SERINC5: variants seen among roughly 807,000 people sequenced by gnomAD.
The protein encoded by SERINC5 is serine incorporator 5, also known as chromosome 5 open reading frame 12.
SERINC5 carries 41 observed loss-of-function variants against 63.1 expected under a neutral mutation model. The observed-to-expected ratio is 0.65, with a 90% CI of 0.51 to 0.84. The LOEUF (loss-of-function observed/expected upper bound fraction) is 0.84, where lower values mean the gene tolerates loss of function less well. Ranked by LOEUF, SERINC5 falls within the 40% of genes least tolerant of loss-of-function variation. SERINC5 has a pLI of 0.00. For missense variants in SERINC5, 523 were observed against 573.0 expected (o/e 0.91, Z 0.89); for synonymous variants, 222 against 215.2 (o/e 1.03, Z -0.28).
chr5:80,175,414 A>C (rs751708154), intron 4 of SERINC5, among the ~76,000 whole-genome samples: 4 of 152,176 alleles, frequency 2.6e-5, no homozygotes, highest in African/African-American at 4.8e-5. Context: ...TGCCAGGAAA[A>C]TCAAAGGTTC....
chr5:80,135,500 A>G (rs574381853), downstream of SERINC5, among the ~76,000 whole-genome samples: 1 of 152,306 alleles, frequency 6.6e-6, no homozygotes, highest in Non-Finnish European at 1.5e-5. Context: ...TCCTTGTACA[A>G]TGTGAGGAGG....
intron 11 of SERINC5, among the ~76,000 whole-genome samples, chr5:80,119,209 G>A (rs184295590): frequency 6.6e-6 from 1 of 152,298 alleles, no homozygotes; most frequent in Admixed American, 6.5e-5. Flanking sequence ...CTGGATAATT[G>A]GTAGCTCTCA....
intron 7 of SERINC5, among the ~76,000 whole-genome samples, chr5:80,166,168 C>G (rs981537548): frequency 2.0e-5 from 3 of 152,124 alleles, no homozygotes; most frequent in African/African-American, 7.2e-5. Flanking sequence ...TATAGTCACC[C>G]TGTTGTGCTA....
intron 1 of SERINC5, among the ~76,000 whole-genome samples, chr5:80,213,874 C>G (rs185338210): frequency 2.0e-5 from 3 of 152,300 alleles, no homozygotes; most frequent in African/African-American, 7.2e-5. Context: ...TACTCTACAC[C>G]TGCTATGTGC....
intron 8 of SERINC5, among the ~76,000 whole-genome samples, chr5:80,155,504 C>T (rs1030429820): frequency 6.9e-6 from 1 of 145,446 alleles, no homozygotes; most frequent in Non-Finnish European, 1.5e-5. Context: ...ACCTGGGAGG[C>T]GGAGGTTGCA....
At chr5:80,151,639 A>G (rs1056366619) in intron 8 of SERINC5, among the ~76,000 whole-genome samples, 2 of 152,186 alleles carry the variant, frequency 1.3e-5, no homozygotes, top group Non-Finnish European at 1.5e-5. Context: ...ACATAGCAAG[A>G]CCTCATCTCT....
intron 1 of SERINC5, among the ~76,000 whole-genome samples, chr5:80,210,088 C>T (rs867167963): frequency 1.4e-4 from 21 of 151,972 alleles, no homozygotes; most frequent in Middle Eastern, 6.8e-3. Context: ...CTAAGTTGAA[C>T]GATAGTGATA....
chr5:80,112,831 G>C (rs966035698), intron 12 of SERINC5, among the ~76,000 whole-genome samples: 2 of 152,122 alleles, frequency 1.3e-5, no homozygotes, highest in African/African-American at 4.8e-5. Flanking sequence ...GGGCATGGTG[G>C]TGCACACCTG....
At chr5:80,172,477 C>T (rs540792072) in intron 5 of SERINC5, among the ~76,000 whole-genome samples, 91 of 152,162 alleles carry the variant, frequency 6.0e-4, no homozygotes, top group Non-Finnish European at 9.6e-4. Flanking sequence ...ACAGAAAAAG[C>T]AACTTGCTTT....
chr5:80,178,298 G>A (rs565286565), intron 2 of SERINC5, among the ~76,000 whole-genome samples: 1 of 152,088 alleles, frequency 6.6e-6, no homozygotes, highest in Admixed American at 6.5e-5. Context: ...AATGACTTCT[G>A]AAATCCAACA....
intron 1 of SERINC5, among the ~76,000 whole-genome samples, chr5:80,255,611 G>C (rs1438054928): frequency 6.6e-6 from 1 of 152,238 alleles, no homozygotes. Flanking sequence ...TGGAGCAGTC[G>C]GGATCCTCCG....
At chr5:80,191,241 C>G (rs1749162825) in intron 2 of SERINC5, among the ~76,000 whole-genome samples, 1 of 151,616 alleles carries the variant, frequency 6.6e-6, no homozygotes. Context: ...CTCCTCTGCT[C>G]AGCTAACTGG....
intron 11 of SERINC5, among the ~76,000 whole-genome samples, chr5:80,115,939 G>A (rs1428487745): frequency 1.3e-5 from 2 of 152,054 alleles, no homozygotes; most frequent in Non-Finnish European, 2.9e-5. Context: ...CCTTGATAAG[G>A]AGTCCTTAAT....
chr5:80,233,040 C>T (rs1028016165), intron 1 of SERINC5, among the ~76,000 whole-genome samples: 2 of 152,168 alleles, frequency 1.3e-5, no homozygotes, highest in Non-Finnish European at 2.9e-5. Flanking sequence ...GATGGTTCCA[C>T]AACTCTGTAA....
downstream of SERINC5, among the ~76,000 whole-genome samples, chr5:80,137,669 C>T (rs1745269623): frequency 1.5e-5 from 2 of 135,818 alleles, no homozygotes; most frequent in South Asian, 2.4e-4. Context: ...GAGCTGGGCG[C>T]AGTGGCTCAC....
At position 80,175,006 on chromosome 5, in the gene SERINC5, C is replaced by T. The variant is rs1171831078; in HGVS notation, c.499G>A (p.Gly167Ser). 1 of 1,602,874 alleles carries T rather than the reference C, an allele frequency of 6.2e-7. No homozygotes were observed. The highest frequency in any genetic ancestry group is 8.5e-7 in the Non-Finnish European group (1 of 1,174,512). Residue 167 changes from glycine (G) to serine (S), a missense_variant, in exon 5 of 12, where the codon GGC (glycine) becomes AGC (serine). Gly to Ser is a moderately conservative substitution (Grantham distance 56). Coordinates refer to ENST00000507668, the MANE Select transcript of SERINC5 (RefSeq NM_001174072.3). ...VGAVGGFLFI[G>S]IQLLLLVEFA... ...TCCACGAGCAGGAGGAGCTGGATGC[C>T]AATGAAGAGGAAGCCTCCGACGGCT...
chr5:80,143,791 C>T lies in SERINC5; in HGVS notation c.1258G>A (p.Glu420Lys), dbSNP rs1377619327. 2 of 1,536,086 alleles carry T rather than the reference C, an allele frequency of 1.3e-6. No homozygotes were observed. Among genetic ancestry groups the T allele is most frequent in the South Asian group, 1.2e-5 (1 of 84,060 alleles). Residue 420 changes from glutamate (E) to lysine (K), a missense_variant, in exon 12 of 12, where the codon GAG becomes AAG. Coordinates refer to ENST00000507668, the MANE Select transcript of SERINC5 (RefSeq NM_001174072.3). ...GACCAGCTCCCGCTGAAGAAGCTCTCGATGTTGGCACTTTCGTAGCTGTGG... is the reference window on the plus strand; with the variant it reads ...GACCAGCTCCCGCTGAAGAAGCTCTTGATGTTGGCACTTTCGTAGCTGTGG... The part of the protein sequence containing the change: ...NWFNYESANI[E>K]SFFSGSWSIF...
chr5:80,178,653 C>T (rs10079631), intron 2 of SERINC5, among the ~76,000 whole-genome samples: 82,954 of 148,350 alleles, frequency 0.56, 23,761 homozygotes, highest in East Asian at 0.79. Flanking sequence ...GTGCTGGGAT[C>T]ATCATAGGTA....
intron 7 of SERINC5, among the ~76,000 whole-genome samples, chr5:80,164,344 G>A (rs1008412842): frequency 6.6e-6 from 1 of 150,720 alleles, no homozygotes. Context: ...TTTTTGGGGG[G>A]GAGGGGGGTC....
Sources: allele counts gnomAD v4.1 joint callset (sites outside exome capture counted in the v4.1 genomes callset), GRCh38; gene constraint gnomAD v4.1.1; transcripts MANE v1.5; gene names NCBI Gene and HGNC (gene_info 2026-07-23, HGNC 2026-07-21).